Variants in EPB41L4A observed in about 807,000 individuals in gnomAD.
EPB41L4A encodes band 4.1-like protein 4A.
Under a neutral mutation model 108.6 loss-of-function variants are expected in EPB41L4A, and 100 were observed. The observed-to-expected ratio is 0.92, with a 90% confidence interval of 0.78 to 1.09. The LOEUF (loss-of-function observed/expected upper bound fraction) is 1.09, where lower values mean the gene tolerates loss of function less well. Ranked by LOEUF, EPB41L4A falls within the 50% of genes least tolerant of loss-of-function variation. EPB41L4A has a pLI of 0.00. For missense variants in EPB41L4A, 1,030 were observed against 842.7 expected (o/e 1.22, Z -2.75); for synonymous variants, 319 against 289.0 (o/e 1.10, Z -1.05).
chr5:112,156,092 T>G (rs1340161909), intron 12 of EPB41L4A, among the ~76,000 whole-genome samples: 8 of 152,106 alleles, frequency 5.3e-5, no homozygotes, highest in South Asian at 2.1e-4. Flanking sequence ...GAAAATGTAT[T>G]AATGCAATTC....
At position 112,393,953 on chromosome 5, in the gene EPB41L4A, G is replaced by T. The variant is rs193209603; in HGVS notation, c.99+24988C>A. On this transcript the variant is annotated intron_variant, in intron 1 of 22. Coordinates refer to ENST00000261486, the MANE Select transcript of EPB41L4A (RefSeq NM_022140.5). ...GTTCAACATACGCAAATCAATAAATGTAATCCATCACATAAACAAAACCAA... is the reference window on the plus strand; with the variant it reads ...GTTCAACATACGCAAATCAATAAATTTAATCCATCACATAAACAAAACCAA... 5.2e-3 allele frequency among the ~76,000 whole-genome samples: 788 copies of T among 152,106 alleles called. 3 individuals are homozygous for T. Among genetic ancestry groups the T allele is most frequent in the Non-Finnish European group, 7.8e-3 (531 of 68,002 alleles).
chr5:112,322,591 C>T (rs1229848750), intron 1 of EPB41L4A, among the ~76,000 whole-genome samples: 2 of 152,076 alleles, frequency 1.3e-5, no homozygotes, highest in African/African-American at 4.8e-5. Flanking sequence ...CCCAGCAGAC[C>T]TCAAAGGTCA....
chr5:112,161,838 T>A (rs1759926413), downstream of EPB41L4A: 1 of 296,722 alleles, frequency 3.4e-6, no homozygotes, highest in Non-Finnish European at 6.7e-6. Flanking sequence ...AAATTGGGGT[T>A]CCTTCTCTAG....
chr5:112,366,227 T>C (rs1759110613), intron 1 of EPB41L4A, among the ~76,000 whole-genome samples: 1 of 152,088 alleles, frequency 6.6e-6, no homozygotes, highest in Non-Finnish European at 1.5e-5. Context: ...TCTCCTCTCC[T>C]TTTTTATTCC....
intron 1 of EPB41L4A, among the ~76,000 whole-genome samples, chr5:112,352,307 T>C (rs1758096968): frequency 1.3e-5 from 2 of 152,214 alleles, no homozygotes; most frequent in African/African-American, 2.4e-5. Context: ...CCATAGGTTT[T>C]GGTATGTCAA....
intron 1 of EPB41L4A, among the ~76,000 whole-genome samples, chr5:112,362,282 G>GTTTT (rs34273954): frequency 3.7e-5 from 5 of 134,694 alleles, no homozygotes; most frequent in African/African-American, 5.6e-5. Flanking sequence ...GAGCATTAAT[G>GTTTT]TTTTTTTTTT....
chr5:112,295,803 G>A (rs941972115), intron 2 of EPB41L4A, among the ~76,000 whole-genome samples: 3 of 152,142 alleles, frequency 2.0e-5, no homozygotes, highest in Non-Finnish European at 4.4e-5. Context: ...TTGTACCATA[G>A]GGCAGCACCA....
intron 1 of EPB41L4A, chr5:112,363,753 T>G (rs1335278358): frequency 3.3e-5 from 5 of 152,262 alleles, no homozygotes; most frequent in African/African-American, 1.2e-4. Flanking sequence ...AATATTAAGT[T>G]TACAGTTTAA....
intron 1 of EPB41L4A, among the ~76,000 whole-genome samples, chr5:112,411,445 T>A (rs1762408003): frequency 6.6e-6 from 1 of 152,138 alleles, no homozygotes; most frequent in Non-Finnish European, 1.5e-5. Context: ...AGATTCGATA[T>A]CCCAAACTGA....
Position 112,209,992 on chromosome 5 carries a change from G to A in EPB41L4A, c.1088-10C>T. 6.7e-7 allele frequency: 1 copy of A among 1,483,640 alleles called. No individual in the cohort carries two copies. The highest frequency in any genetic ancestry group is 9.3e-7 in the Non-Finnish European group (1 of 1,069,548). The allele number at this position is 1,483,640 out of a possible 1,614,324, so 91.9% of individuals were successfully genotyped here. A position where few individuals can be genotyped will look rare whatever the true frequency, so the allele number is the denominator to read the frequency against. On this transcript the variant is annotated splice_polypyrimidine_tract_variant and intron_variant, in intron 12 of 22. Transcript: ENST00000261486. The stretch of plus-strand genomic sequence containing the variant: ...CTGATGCTGTTTGATTCTAGCAGAG[G>A]AGGAGAAGGAAAGATGGAAGAGAGA...
chr5:112,417,124 C>T (rs553379471), intron 1 of EPB41L4A, among the ~76,000 whole-genome samples: 3 of 152,346 alleles, frequency 2.0e-5, no homozygotes, highest in Non-Finnish European at 4.4e-5. Flanking sequence ...TACATAGTTG[C>T]TGTTGCCTTT....
At chr5:112,189,761 C>T (rs1427886519) in intron 17 of EPB41L4A, among the ~76,000 whole-genome samples, 3 of 152,150 alleles carry the variant, frequency 2.0e-5, no homozygotes, top group Non-Finnish European at 4.4e-5. Flanking sequence ...AGAAACACAT[C>T]AAAGGTAATG....
chr5:112,170,225 C>T, intron 20 of EPB41L4A, 76 bp downstream of exon 20: 2 of 1,401,888 alleles, frequency 1.4e-6, no homozygotes, highest in Non-Finnish European at 2.0e-6. Flanking sequence ...CTGTCTGGAA[C>T]ACAATTGAAG....
chr5:112,274,284 A>C (rs1263059350), intron 4 of EPB41L4A, among the ~76,000 whole-genome samples: 1 of 152,160 alleles, frequency 6.6e-6, no homozygotes, highest in Non-Finnish European at 1.5e-5. Flanking sequence ...TGTGTCTTAA[A>C]AAATTAAACA....
chr5:112,175,522 A>T (rs976188457), intron 18 of EPB41L4A: 3 of 152,228 alleles, frequency 2.0e-5, no homozygotes, highest in Admixed American at 2.0e-4. Flanking sequence ...TACAAAAATG[A>T]ATAATGGTGT....
At position 112,163,370 on chromosome 5, in the gene EPB41L4A, A is replaced by T. The variant is rs560850358; in HGVS notation, c.*1620T>A. On this transcript the variant is annotated 3_prime_UTR_variant, in exon 23 of 23. Transcript: ENST00000261486. ...CCAAATGGTCTTTTTGCAGTAGCAC[A>T]TTACTCAGTAGTCTAAACTACAGAA... 2 of 152,304 alleles carry T rather than the reference A, an allele frequency of 1.3e-5. No homozygotes were observed. The highest frequency in any genetic ancestry group is 3.9e-4 in the East Asian group (2 of 5,182). The allele number at this position is 152,304 out of a possible 1,614,324, so 9.4% of individuals were successfully genotyped here.
chr5:112,309,268 T>C lies in EPB41L4A; in HGVS notation c.100-1778A>G, dbSNP rs1055553839. ...ATCTCATGGGTTACTCCAGAACCAA[T>C]ACCCCCAAGATTTTGATGTATGTAG... On this transcript the variant is annotated intron_variant, in intron 1 of 22. Coordinates refer to ENST00000261486, the MANE Select transcript of EPB41L4A (RefSeq NM_022140.5). Among the ~76,000 whole-genome samples, 3 of 152,196 alleles carry C rather than the reference T, an allele frequency of 2.0e-5. No homozygotes were observed. The South Asian group carries it at 6.2e-4, about 32-fold the overall frequency.
In EPB41L4A at chr5:112,419,254, C is replaced by A. The variant is rs1009618196; in HGVS notation, c.-215G>T. On this transcript the variant is annotated 5_prime_UTR_variant, in exon 1 of 23. Coordinates refer to ENST00000261486, the MANE Select transcript of EPB41L4A (RefSeq NM_022140.5). Reference sequence around the variant, plus strand: ...CCCGGGAGAGTCAGCGCCCGGGAGCCGCCGGGGAAGCGCCGGCGGAACTGG... The same window carrying A: ...CCCGGGAGAGTCAGCGCCCGGGAGCAGCCGGGGAAGCGCCGGCGGAACTGG... The A allele has an allele frequency of 2.5e-6, 1 of 406,056 alleles. No individual in the cohort carries two copies. The highest frequency in any genetic ancestry group is 4.4e-6 in the Non-Finnish European group (1 of 228,520). 25.2% of individuals were successfully genotyped at this position (406,056 alleles called of 1,614,324 possible).
chr5:112,351,745 A>C (rs1222250341), intron 1 of EPB41L4A, among the ~76,000 whole-genome samples: 1 of 152,202 alleles, frequency 6.6e-6, no homozygotes, highest in Non-Finnish European at 1.5e-5. Context: ...AAAATCCCGA[A>C]CAAAAGACTA....
Sources: gnomAD v4.1 joint callset for allele counts (sites outside exome capture counted in the v4.1 genomes callset) on GRCh38, gnomAD v4.1.1 for gene constraint, MANE v1.5 for transcripts, NCBI Gene and HGNC (gene_info 2026-07-23, HGNC 2026-07-21) for gene names.